ZNF225: variants seen among roughly 807,000 people sequenced by gnomAD.
ZNF225 encodes zinc finger protein 225.
Under a neutral mutation model 12.0 loss-of-function variants are expected in ZNF225, and 6 were observed. That is an observed-to-expected ratio of 0.50 (90% CI 0.27 to 0.98). The LOEUF is 0.98. ZNF225 is among the 50% of genes least tolerant of loss of function. The pLI is 0.11. For synonymous variants in ZNF225, 271 were observed against 283.2 expected (o/e 0.96, Z 0.43); for missense variants, 763 against 848.2 (o/e 0.90, Z 1.25).
intron 2 of ZNF225, among the ~76,000 whole-genome samples, chr19:44,117,482 C>T (rs1568537231): frequency 6.6e-6 from 1 of 152,158 alleles, no homozygotes; most frequent in Non-Finnish European, 1.5e-5. Flanking sequence ...TGAGAGAGAA[C>T]AATGGGAATT....
upstream of ZNF225, chr19:44,112,209 C>G (rs1183617240): frequency 6.6e-6 from 1 of 152,162 alleles, no homozygotes; most frequent in Non-Finnish European, 1.5e-5. Context: ...GTTGATTGGC[C>G]CATCTTGCCA....
chr19:44,132,633 C>G lies in ZNF225; in HGVS notation c.2019C>G (p.Asp673Glu). 1 of 1,613,858 alleles carries G rather than the reference C, an allele frequency of 6.2e-7. No homozygotes were observed. Among genetic ancestry groups the G allele is most frequent in the Non-Finnish European group, 8.5e-7 (1 of 1,179,954 alleles). ...CATGCCTTAAAGACCAACAAAGAGACCAAAGTGGAGAGAAAACATCTAAAT... is the reference window on the plus strand; with the variant it reads ...CATGCCTTAAAGACCAACAAAGAGAGCAAAGTGGAGAGAAAACATCTAAAT... Reference protein sequence around the residue: ...HSSCLKDQQRDQSGEKTSKCE... With the variant: ...HSSCLKDQQREQSGEKTSKCE... The change falls in exon 5 of 5, where the codon GAC (aspartate) becomes GAG (glutamate). Residue 673 changes from aspartate (D) to glutamate (E), a missense_variant. By Grantham distance (45) the Asp-to-Glu change is conservative (BLOSUM62 2). Coordinates refer to ENST00000262894, the MANE Select transcript of ZNF225 (RefSeq NM_013362.4).
chr19:44,125,688 C>A (rs186775352), intron 4 of ZNF225, among the ~76,000 whole-genome samples: 4 of 152,262 alleles, frequency 2.6e-5, no homozygotes, highest in Admixed American at 2.6e-4. Context: ...TAGGTTTGGT[C>A]CTTTAACATA....
intron 4 of ZNF225, chr19:44,129,161 C>G: frequency 1.7e-6 from 2 of 1,146,966 alleles, no homozygotes; most frequent in Admixed American, 8.5e-5. Flanking sequence ...TGCAAAAATT[C>G]TTGTACAGGA....
At chr19:44,123,129 G>C (rs1968085610) in intron 4 of ZNF225, among the ~76,000 whole-genome samples, 1 of 152,150 alleles carries the variant, frequency 6.6e-6, no homozygotes, top group Non-Finnish European at 1.5e-5. Flanking sequence ...TTTGCTGTGG[G>C]TTTGTCATAG....
chr19:44,131,284 A>C lies in ZNF225; in HGVS notation c.670A>C (p.Arg224=). 6.2e-7 allele frequency: 1 copy of C among 1,614,248 alleles called. No individual in the cohort carries two copies. Among genetic ancestry groups the C allele is most frequent in the South Asian group, 1.1e-5 (1 of 91,092 alleles). ...NQSSHLQIHQ[R]IHTGEKPFKC... ...GAGCTCACATCTGCAAATTCATCAG[A>C]GAATCCACACTGGAGAGAAACCATT... Residue 224 remains arginine, a synonymous_variant, in exon 5 of 5, where the codon AGA becomes CGA. Coordinates refer to ENST00000262894, the MANE Select transcript of ZNF225 (RefSeq NM_013362.4).
intron 4 of ZNF225, among the ~76,000 whole-genome samples, chr19:44,119,737 G>T (rs1180193879): frequency 6.6e-6 from 1 of 152,146 alleles, no homozygotes. Context: ...TAGGTCTTGG[G>T]TACTGGATGT....
At chr19:44,121,691 G>T (rs1248200443) in intron 4 of ZNF225, among the ~76,000 whole-genome samples, 1 of 152,122 alleles carries the variant, frequency 6.6e-6, no homozygotes, top group African/African-American at 2.4e-5. Context: ...GGTCATTCTT[G>T]CAGGAGTAAG....
intron 4 of ZNF225, among the ~76,000 whole-genome samples, chr19:44,127,534 C>T (rs981807571): frequency 6.6e-6 from 1 of 152,226 alleles, no homozygotes; most frequent in Admixed American, 6.5e-5. Flanking sequence ...TGAGTTGGAG[C>T]TGCAATCTAG....
intron 4 of ZNF225, among the ~76,000 whole-genome samples, chr19:44,121,044 C>T (rs1316434742): frequency 6.6e-6 from 1 of 152,104 alleles, no homozygotes; most frequent in South Asian, 2.1e-4. Context: ...CTACAGGCGC[C>T]CGCCACGATG....
Position 44,118,488 on chromosome 19 carries a change from A to G in ZNF225, c.149A>G (p.Gln50Arg), listed in dbSNP as rs34863330. ...NFRNLLSVGH[Q>R]SLHRDTFHFL... ...TGACTTTTCACGTTCACAGGGCATCAATCACTCCACAGAGATACTTTCCAC... is the reference window on the plus strand; with the variant it reads ...TGACTTTTCACGTTCACAGGGCATCGATCACTCCACAGAGATACTTTCCAC... Residue 50 changes from glutamine (Q) to arginine (R), a missense_variant, in exon 4 of 5, where the codon CAA (glutamine) becomes CGA (arginine). Physicochemically the swap from Gln to Arg is conservative, Grantham distance 43. Coordinates refer to ENST00000262894, the MANE Select transcript of ZNF225 (RefSeq NM_013362.4). 1,627 of 1,613,750 alleles carry G rather than the reference A, an allele frequency of 1.0e-3. 23 individuals are homozygous for G. In the African/African-American group the frequency reaches 0.019, roughly 19 times the overall value.
chr19:44,125,791 G>T (rs1968135432), intron 4 of ZNF225, among the ~76,000 whole-genome samples: 1 of 152,088 alleles, frequency 6.6e-6, no homozygotes, highest in Non-Finnish European at 1.5e-5. Context: ...TTGTCTTCAA[G>T]CTCTGAATTT....
In ZNF225 at chr19:44,131,558, C is replaced by T. The variant is rs1445658362; in HGVS notation, c.944C>T (p.Pro315Leu). Residue 315 changes from proline to leucine, a missense_variant, in exon 5 of 5, where the codon CCA becomes CTA. By Grantham distance (98) the Pro-to-Leu change is moderately conservative. Coordinates refer to ENST00000262894, the MANE Select transcript of ZNF225 (RefSeq NM_013362.4). ...TCCATGGTTCACATGCGAGAGAAAC[C>T]ATTCAGATGTGATACATGTGGTAAG... Reference protein sequence around the residue: ...RHSMVHMREKPFRCDTCGKSF... With the variant: ...RHSMVHMREKLFRCDTCGKSF... 6.2e-7 allele frequency: 1 copy of T among 1,614,206 alleles called. No homozygotes were observed. Among genetic ancestry groups the T allele is most frequent in the East Asian group, 2.2e-5 (1 of 44,880 alleles).
At chr19:44,126,153 T>TCTCATTTGGGTAGG (rs1246096435) in intron 4 of ZNF225, among the ~76,000 whole-genome samples, 2 of 152,182 alleles carry the variant, frequency 1.3e-5, no homozygotes, top group Admixed American at 6.5e-5. Context: ...TCTGGTTCCT[T>TCTCATTTGGGTAGG]CTCATTTGGG....
chr19:44,126,008 A>G (rs1337511246), intron 4 of ZNF225, among the ~76,000 whole-genome samples: 1 of 152,082 alleles, frequency 6.6e-6, no homozygotes, highest in Non-Finnish European at 1.5e-5. Flanking sequence ...TGATTAGCTT[A>G]ATAACTAACC....
chr19:44,115,588 G>A (rs1164014451), intron 1 of ZNF225, 172 bp from the exon 2 acceptor site: 1 of 403,952 alleles, frequency 2.5e-6, no homozygotes, highest in African/African-American at 2.1e-5. Context: ...GCCACAATTT[G>A]TCTATCCATG....
At chr19:44,128,761 T>C (rs1968193848) in intron 4 of ZNF225, 2 of 328,836 alleles carry the variant, frequency 6.1e-6, no homozygotes, top group Middle Eastern at 1.6e-3. Context: ...CACGATGCTA[T>C]GATAATTTCT....
chr19:44,126,993 G>A (rs1311672088), intron 4 of ZNF225, among the ~76,000 whole-genome samples: 3 of 152,212 alleles, frequency 2.0e-5, no homozygotes, highest in African/African-American at 7.2e-5. Flanking sequence ...AAGGGCTTGG[G>A]TCTTCCCCTG....
intron 4 of ZNF225, chr19:44,129,218 A>C (rs779422010): frequency 4.0e-5 from 31 of 767,382 alleles, no homozygotes; most frequent in Non-Finnish European, 5.3e-5. Context: ...TTTGATATTT[A>C]GTATTGTGAA....
Sources: gnomAD v4.1 joint callset for allele counts (sites outside exome capture counted in the v4.1 genomes callset) on GRCh38, gnomAD v4.1.1 for gene constraint, MANE v1.5 for transcripts, NCBI Gene and HGNC (gene_info 2026-07-23, HGNC 2026-07-21) for gene names.